The following IKBKB variants were observed in gnomAD, a reference collection of about 807,000 sequenced individuals.
IKBKB encodes the protein inhibitor of nuclear factor kappa B kinase subunit beta.
Under a neutral mutation model 113.6 loss-of-function variants are expected in IKBKB, and 42 were observed. The observed-to-expected ratio is 0.37, with a 90% confidence interval of 0.29 to 0.48. The LOEUF is 0.48. Among genes scored for constraint, IKBKB ranks in the 20% least tolerant of loss-of-function variants. The pLI, the probability that IKBKB is intolerant of heterozygous loss-of-function variation, is 0.99. For missense variants in IKBKB, 673 were observed against 939.7 expected, an observed-to-expected ratio of 0.72 and a Z score of 3.71; for synonymous variants, 296 against 361.3, an observed-to-expected ratio of 0.82 and a Z score of 2.05.
At chr8:42,273,653 G>A (rs572489207) in intron 2 of IKBKB, among the ~76,000 whole-genome samples, 6 of 151,818 alleles carry the variant, frequency 4.0e-5, no homozygotes, top group African/African-American at 7.2e-5. Context: ...CAGTCTTCCC[G>A]TCTTTGCCTC....
chr8:42,315,668 C>CT, intron 9 of IKBKB, among the ~76,000 whole-genome samples: 1 of 126,656 alleles, frequency 7.9e-6, no homozygotes, highest in Non-Finnish European at 1.8e-5. Flanking sequence ...TTCTTTCTTC[C>CT]TTTCTTTTTA....
In IKBKB at chr8:42,316,867, C is replaced by G. The variant is rs767388805; in HGVS notation, c.1088C>G (p.Pro363Arg). 6.2e-7 allele frequency: 1 copy of G among 1,614,108 alleles called. No homozygotes were observed. Among genetic ancestry groups the G allele is most frequent in the Non-Finnish European group, 8.5e-7 (1 of 1,180,032 alleles). The change falls in exon 11 of 22, where the codon CCC becomes CGC. Residue 363 changes from proline to arginine, a missense_variant. This residue lies in a region of IKBKB where 506 missense variants were observed against 638.7 expected (regional missense o/e 0.79). Transcript: ENST00000520810. The surrounding 1 kb of genome is among the most constrained non-coding windows in gnomAD (Gnocchi z 4.5). ...CAGGAAGCGGGCCTGGCGTTGATCC[C>G]CGATAAGCCTGCCACTCAGTGTATT... The part of the protein sequence containing the change: ...LLQEAGLALI[P>R]DKPATQCISD...
At chr8:42,284,410 A>G (rs1810967501) in intron 2 of IKBKB, among the ~76,000 whole-genome samples, 1 of 151,962 alleles carries the variant, frequency 6.6e-6, no homozygotes, top group Non-Finnish European at 1.5e-5. Flanking sequence ...GTGAAACCCC[A>G]TCTCTACTAA....
chr8:42,326,518 C>T (rs1334523863), intron 20 of IKBKB: 1 of 171,832 alleles, frequency 5.8e-6, no homozygotes, highest in Non-Finnish European at 1.2e-5. Flanking sequence ...CCTCCTCTTG[C>T]CTGAACCATC....
chr8:42,317,589 T>C (rs1169795501), intron 11 of IKBKB, 68 bp from the exon 12 acceptor site: 1 of 1,045,468 alleles, frequency 9.6e-7, no homozygotes, highest in Non-Finnish European at 1.5e-6. Context: ...CTGTGGAACT[T>C]CTTCATTATC....
chr8:42,288,970 A>G (rs1812002442), intron 3 of IKBKB, among the ~76,000 whole-genome samples: 2 of 151,950 alleles, frequency 1.3e-5, no homozygotes, highest in Non-Finnish European at 2.9e-5. Flanking sequence ...AGTCCCAGCT[A>G]CAGAGAACAC....
Position 42,316,120 on chromosome 8 carries a change from G to T in IKBKB, c.801-90G>T, listed in dbSNP as rs1489467464. 1 of 1,405,404 alleles carries T rather than the reference G, an allele frequency of 7.1e-7. No homozygotes were observed. The highest frequency in any genetic ancestry group is 2.0e-5 in the Admixed American group (1 of 49,368). The allele number at this position is 1,405,404 out of a possible 1,614,324, so 87.1% of individuals were successfully genotyped here. A position where few individuals can be genotyped will look rare whatever the true frequency, so the allele number is the denominator to read the frequency against. On this transcript the variant is annotated intron_variant, in intron 9 of 21. Transcript: ENST00000520810. This position sits in a 1 kb window ranked among gnomAD's most constrained non-coding sequence, Gnocchi z 4.5. Reference sequence around the variant, plus strand: ...TTTTCATTTTCAATCACCGTCTACTGGCTGCCGTCTGTGTGTATACTGGGA... The same window carrying T: ...TTTTCATTTTCAATCACCGTCTACTTGCTGCCGTCTGTGTGTATACTGGGA...
intron 5 of IKBKB, chr8:42,298,037 T>C (rs749133949): frequency 6.3e-5 from 60 of 957,770 alleles, no homozygotes; most frequent in Admixed American, 1.2e-4. Flanking sequence ...GGAAATGATA[T>C]GGACTGCCAC....
intron 5 of IKBKB, 153 bp downstream of exon 5, chr8:42,293,665 G>A (rs760420353): frequency 1.6e-5 from 22 of 1,344,962 alleles, no homozygotes; most frequent in Non-Finnish European, 2.1e-5. Context: ...TGGTGGAGTA[G>A]GGAGGTCAAC....
chr8:42,326,151 CG>C, intron 20 of IKBKB, 54 bp downstream of exon 20: 1 of 1,604,896 alleles, frequency 6.2e-7, no homozygotes, highest in Non-Finnish European at 8.5e-7. Context: ...GTCAGGAGAT[CG>C]GGGATGGAGG....
rs138158503 is a variant in IKBKB, at chr8:42,311,152, T to C, written c.692+2127T>C. ...ACGTCTCCACCTGGAGTGTGGACAC[T>C]GCCCCTTTCACCACATCCTTGCCAA... On this transcript the variant is annotated intron_variant, in intron 8 of 21. Transcript: ENST00000520810. 2.0e-5 allele frequency among the ~76,000 whole-genome samples: 3 copies of C among 152,378 alleles called. No homozygotes were observed. The East Asian group carries it at 5.8e-4, about 29-fold the overall frequency.
chr8:42,291,045 C>T (rs1423827279), intron 4 of IKBKB, among the ~76,000 whole-genome samples: 1 of 152,202 alleles, frequency 6.6e-6, no homozygotes, highest in Non-Finnish European at 1.5e-5. Flanking sequence ...ATGTCATGGC[C>T]CAGAGAGGTT....
At chr8:42,286,480 TTTTTTG>T (rs970188209) in intron 2 of IKBKB, among the ~76,000 whole-genome samples, 12 of 152,126 alleles carry the variant, frequency 7.9e-5, no homozygotes, top group African/African-American at 1.4e-4. Flanking sequence ...CTGTGTGTCT[TTTTTTG>T]TTTTTGTTTT....
At chr8:42,330,183 G>A in intron 21 of IKBKB, 1 of 985,416 alleles carries the variant, frequency 1.0e-6, no homozygotes, top group Non-Finnish European at 1.2e-6. Flanking sequence ...GTGAGCCACA[G>A]TGGTACTGAC....
intron 2 of IKBKB, among the ~76,000 whole-genome samples, chr8:42,280,571 G>T (rs1273362617): frequency 6.6e-6 from 1 of 152,080 alleles, no homozygotes; most frequent in Non-Finnish European, 1.5e-5. Context: ...TTTTTGCATG[G>T]ATTATGGGGA....
At chr8:42,287,554 AG>A (rs1811670727) in intron 2 of IKBKB, among the ~76,000 whole-genome samples, 1 of 152,254 alleles carries the variant, frequency 6.6e-6, no homozygotes, top group Non-Finnish European at 1.5e-5. Flanking sequence ...TGTCGTGGGA[AG>A]AGTGGCTGGA....
intron 15 of IKBKB, 37 bp downstream of exon 15, chr8:42,319,683 G>A: frequency 6.6e-7 from 1 of 1,525,982 alleles, no homozygotes; most frequent in Non-Finnish European, 8.8e-7. Context: ...ACTTACCAAG[G>A]GGGTGAGATT....
chr8:42,302,034 A>G (rs1296542139), intron 5 of IKBKB, among the ~76,000 whole-genome samples: 1 of 152,198 alleles, frequency 6.6e-6, no homozygotes, highest in African/African-American at 2.4e-5. Context: ...GCAGTCTGTC[A>G]TATACCAAAA....
chr8:42,304,548 A>G (rs760228864), intron 5 of IKBKB, among the ~76,000 whole-genome samples: 7 of 152,096 alleles, frequency 4.6e-5, no homozygotes, highest in Non-Finnish European at 8.8e-5. Flanking sequence ...TATGTCCCTC[A>G]CAGAACCTCC....
Sources: allele counts gnomAD v4.1 joint callset (sites outside exome capture counted in the v4.1 genomes callset), GRCh38; gene constraint gnomAD v4.1.1; regional missense constraint gnomAD v4.1.1; non-coding constraint Gnocchi (gnomAD v3.1); transcripts MANE v1.5; gene names NCBI Gene and HGNC (gene_info 2026-07-23, HGNC 2026-07-21).